The following TLK1 variants were observed in gnomAD, a reference collection of about 807,000 sequenced individuals.
TLK1 encodes the protein tousled like kinase 1, also known as serine/threonine-protein kinase tousled-like 1.
Under a neutral mutation model 105.3 loss-of-function variants are expected in TLK1, and 24 were observed. The ratio of observed to expected loss-of-function variants is 0.23; its 90% confidence interval spans 0.17 to 0.32. The LOEUF is 0.32. Among genes scored for constraint, TLK1 ranks in the 10% least tolerant of loss-of-function variants. The probability of loss-of-function intolerance (pLI) is 1.00; values close to 1 mark genes in which losing one functional copy is unlikely to be tolerated. For missense variants in TLK1, 558 were observed against 910.5 expected, an observed-to-expected ratio of 0.61 and a Z score of 4.98; for synonymous variants, 321 against 310.4, an observed-to-expected ratio of 1.03 and a Z score of -0.36.
intron 2 of TLK1, among the ~76,000 whole-genome samples, chr2:171,096,468 T>G (rs1689457244): frequency 6.6e-6 from 1 of 151,810 alleles, no homozygotes; most frequent in African/African-American, 2.4e-5. Context: ...AAGAATAAAT[T>G]TAATCAGCCC....
intron 12 of TLK1, among the ~76,000 whole-genome samples, chr2:171,016,787 G>A (rs989920844): frequency 6.6e-6 from 1 of 152,126 alleles, no homozygotes; most frequent in Non-Finnish European, 1.5e-5. Context: ...TAAAGATTAT[G>A]TTGTTTGTAC....
intron 3 of TLK1, among the ~76,000 whole-genome samples, chr2:171,082,096 A>G (rs1688781878): frequency 6.6e-6 from 1 of 152,056 alleles, no homozygotes; most frequent in Non-Finnish European, 1.5e-5. Flanking sequence ...AGAAAAGGCT[A>G]TACCCACAAG....
chr2:171,165,859 C>T (rs938577122), upstream of TLK1, among the ~76,000 whole-genome samples: 10 of 151,996 alleles, frequency 6.6e-5, no homozygotes, highest in African/African-American at 2.4e-4. Flanking sequence ...TGCAGTGAGC[C>T]GAGATTGCAC....
intron 3 of TLK1, among the ~76,000 whole-genome samples, chr2:171,063,033 T>C (rs1687826318): frequency 6.6e-6 from 1 of 152,176 alleles, no homozygotes; most frequent in Admixed American, 6.5e-5. Context: ...CATTAAAAAT[T>C]CTTTTAACAT....
intron 3 of TLK1, among the ~76,000 whole-genome samples, chr2:171,078,470 G>A (rs944276296): frequency 1.3e-5 from 2 of 152,038 alleles, no homozygotes; most frequent in African/African-American, 2.4e-5. Flanking sequence ...CCTGGGAGGC[G>A]GAGGTTGTGG....
At chr2:171,202,425 G>A (rs184717516) in intron 1 of TLK1, among the ~76,000 whole-genome samples, 8 of 150,640 alleles carry the variant, frequency 5.3e-5, no homozygotes, top group East Asian at 3.9e-4. Context: ...GCACTCCAGC[G>A]TGAGCAACGA....
chr2:171,163,333 T>A (rs1692550412), upstream of TLK1, among the ~76,000 whole-genome samples: 1 of 152,226 alleles, frequency 6.6e-6, no homozygotes, highest in South Asian at 2.1e-4. Flanking sequence ...TTCCCTTGGA[T>A]ACATACCCAG....
At chr2:171,165,426 G>A (rs147763628), upstream of TLK1, among the ~76,000 whole-genome samples, 6 of 152,268 alleles carry the variant, frequency 3.9e-5, no homozygotes, top group African/African-American at 1.2e-4. Context: ...TCTGAGCCCC[G>A]ATCTATAGGA....
At chr2:171,186,784 G>C (rs1319234101) in intron 1 of TLK1, among the ~76,000 whole-genome samples, 2 of 152,104 alleles carry the variant, frequency 1.3e-5, no homozygotes, top group Non-Finnish European at 2.9e-5. Context: ...TTTAGGCTGG[G>C]CACGGTGGCT....
At chr2:171,194,836 A>G (rs1360337222) in intron 1 of TLK1, among the ~76,000 whole-genome samples, 4 of 151,900 alleles carry the variant, frequency 2.6e-5, no homozygotes, top group Non-Finnish European at 5.9e-5. Context: ...AAAAAAAAAA[A>G]AAAAGTAAAA....
intron 12 of TLK1, among the ~76,000 whole-genome samples, chr2:171,028,123 G>A (rs369008438): frequency 5.9e-5 from 9 of 152,206 alleles, no homozygotes; most frequent in African/African-American, 1.4e-4. Flanking sequence ...AGATTGTGCC[G>A]CTGCACTCCA....
At chr2:171,187,076 A>AG (rs1389170751) in intron 1 of TLK1, among the ~76,000 whole-genome samples, 4 of 128,028 alleles carry the variant, frequency 3.1e-5, no homozygotes, top group Non-Finnish European at 6.2e-5. Flanking sequence ...AAAAAAAAAA[A>AG]AAAAAAAGAA....
chr2:171,054,299 T>C (rs1687391545), intron 7 of TLK1: 1 of 152,468 alleles, frequency 6.6e-6, no homozygotes, highest in Non-Finnish European at 1.5e-5. Context: ...TCTACTCTCT[T>C]AGCAATTTTC....
intron 1 of TLK1, among the ~76,000 whole-genome samples, chr2:171,222,614 A>G (rs912728311): frequency 6.6e-6 from 1 of 151,956 alleles, no homozygotes; most frequent in South Asian, 2.1e-4. Flanking sequence ...TTAAATCTTT[A>G]TGGCTACATA....
At chr2:171,116,830 T>C (rs1328093595) in intron 2 of TLK1, among the ~76,000 whole-genome samples, 2 of 152,206 alleles carry the variant, frequency 1.3e-5, no homozygotes. Context: ...GAAATACTCA[T>C]GCACTCCGCT....
intron 12 of TLK1, among the ~76,000 whole-genome samples, chr2:171,019,030 C>A (rs1685345338): frequency 6.6e-6 from 1 of 151,990 alleles, no homozygotes; most frequent in South Asian, 2.1e-4. Flanking sequence ...ACATAAAAAG[C>A]CAAGTCAGAC....
chr2:171,060,029 A>C (rs1687677329), intron 4 of TLK1: 2 of 1,610,156 alleles, frequency 1.2e-6, no homozygotes, highest in Non-Finnish European at 1.7e-6. Context: ...ACTTGAAGTC[A>C]AGTTTACTCC....
chr2:171,103,708 T>C (rs143128340), intron 2 of TLK1, among the ~76,000 whole-genome samples: 50 of 152,326 alleles, frequency 3.3e-4, no homozygotes, highest in African/African-American at 1.2e-3. Context: ...ATTGCTTCCA[T>C]CTTATATAAT....
intron 1 of TLK1, among the ~76,000 whole-genome samples, chr2:171,124,581 T>C (rs1290295690): frequency 2.6e-5 from 4 of 152,206 alleles, no homozygotes; most frequent in African/African-American, 9.7e-5. Context: ...ACAGTACTGA[T>C]TCAGTAACAC....
Sources: gnomAD v4.1 joint callset for allele counts (sites outside exome capture counted in the v4.1 genomes callset) on GRCh38, gnomAD v4.1.1 for gene constraint, MANE v1.5 for transcripts, NCBI Gene and HGNC (gene_info 2026-07-23, HGNC 2026-07-21) for gene names.